The following PLD5 variants were observed in gnomAD, a reference collection of about 807,000 sequenced individuals.
The protein encoded by PLD5 is inactive phospholipase D5.
A neutral mutation model predicts 61.1 loss-of-function variants in PLD5; 36 were observed. The ratio of observed to expected loss-of-function variants is 0.59; its 90% confidence interval spans 0.45 to 0.78. The LOEUF is 0.78. Ranked by LOEUF, PLD5 falls within the 30% of genes least tolerant of loss-of-function variation. The pLI, the probability that PLD5 is intolerant of heterozygous loss-of-function variation, is 0.00. For synonymous variants in PLD5, 243 were observed against 242.8 expected (o/e 1.00, Z -0.01); for missense variants, 515 against 644.4 (o/e 0.80, Z 2.17).
At chr1:242,359,898 G>C (rs1168717391) in intron 1 of PLD5, among the ~76,000 whole-genome samples, 2 of 152,038 alleles carry the variant, frequency 1.3e-5, no homozygotes, top group African/African-American at 4.8e-5. Context: ...ATATTTTGGA[G>C]AAACAAGGTA....
intron 1 of PLD5, among the ~76,000 whole-genome samples, chr1:242,375,158 C>T (rs1661872152): frequency 6.6e-6 from 1 of 152,222 alleles, no homozygotes. Flanking sequence ...GTCCTAGCCT[C>T]TCCCTCAGAG....
chr1:242,131,362 C>T (rs866763741), intron 5 of PLD5, among the ~76,000 whole-genome samples: 1 of 152,088 alleles, frequency 6.6e-6, no homozygotes, highest in African/African-American at 2.4e-5. Context: ...CTCTCTCTTG[C>T]ACTATGACAT....
chr1:242,472,445 AT>A (rs1455375329), intron 1 of PLD5, among the ~76,000 whole-genome samples: 4 of 152,206 alleles, frequency 2.6e-5, no homozygotes, highest in Non-Finnish European at 5.9e-5. Context: ...ACCTAGAATG[AT>A]CCTACAATGT....
intron 5 of PLD5, among the ~76,000 whole-genome samples, chr1:242,180,155 C>CAGAT (rs1574463968): frequency 4.6e-5 from 7 of 152,080 alleles, no homozygotes; most frequent in Admixed American, 4.6e-4. Flanking sequence ...TGTCACCGAC[C>CAGAT]AGATGTAAGC....
chr1:242,404,129 G>A (rs759099698), intron 1 of PLD5, among the ~76,000 whole-genome samples: 1 of 152,140 alleles, frequency 6.6e-6, no homozygotes, highest in Non-Finnish European at 1.5e-5. Flanking sequence ...AGAGAGGAGA[G>A]GGACAGGAAA....
chr1:242,107,752 C>T lies in PLD5; in HGVS notation c.1158G>A (p.Lys386=), dbSNP rs1403371298. The T allele has an allele frequency of 1.9e-6, 3 of 1,612,432 alleles. No individual in the cohort carries two copies. The highest frequency in any genetic ancestry group is 2.5e-6 in the Non-Finnish European group (3 of 1,179,618). Residue 386 remains lysine, a synonymous_variant, in exon 8 of 10, where the codon AAG becomes AAA. Coordinates refer to ENST00000536534, the MANE Select transcript of PLD5 (RefSeq NM_001372062.1). ...VRVRLLLSFW[K]ETDPLTFNFI... ...AGTTAAACGTAAGGGGATCAGTTTC[C>T]TTCCAGAAGCTTAAAAGGAGTCGAA...
chr1:242,348,024 T>A, intron 2 of PLD5, 82 bp downstream of exon 2: 2 of 1,528,980 alleles, frequency 1.3e-6, no homozygotes, highest in Non-Finnish European at 1.8e-6. Context: ...TGTGTTTATG[T>A]ATTCTCTTCT....
chr1:242,162,159 A>T (rs573098056), intron 5 of PLD5, among the ~76,000 whole-genome samples: 1 of 152,318 alleles, frequency 6.6e-6, no homozygotes, highest in East Asian at 1.9e-4. Context: ...TCTTACACAA[A>T]ATGAAACTTC....
intron 5 of PLD5, among the ~76,000 whole-genome samples, chr1:242,188,018 T>C (rs1252957036): frequency 2.0e-5 from 3 of 151,608 alleles, no homozygotes; most frequent in Non-Finnish European, 4.4e-5. Context: ...GTGTGTGGAG[T>C]TCATGATTAA....
chr1:242,279,495 A>T (rs1674596387), intron 3 of PLD5, among the ~76,000 whole-genome samples: 1 of 152,108 alleles, frequency 6.6e-6, no homozygotes, highest in Non-Finnish European at 1.5e-5. Flanking sequence ...TTGGGAGAGA[A>T]AAGTGGGAGT....
chr1:242,292,248 TA>T (rs1444461660), intron 2 of PLD5, among the ~76,000 whole-genome samples: 1 of 152,016 alleles, frequency 6.6e-6, no homozygotes, highest in Non-Finnish European at 1.5e-5. Flanking sequence ...TGGATATATT[TA>T]AAAAAACAAT....
rs1659425974 is a variant in PLD5 at position 242,085,918 on chromosome 1, A to C, written c.*3936T>G. 6.6e-6 allele frequency: 1 copy of C among 152,102 alleles called. No individual in the cohort carries two copies. The highest frequency in any genetic ancestry group is 1.5e-5 in the Non-Finnish European group (1 of 68,036). 9.4% of individuals were successfully genotyped at this position (152,102 alleles called of 1,614,324 possible). A position where few individuals can be genotyped will look rare whatever the true frequency, so the allele number is the denominator to read the frequency against. ...TTGTAGGATAGAATTCCTGAGACAG[A>C]TAGACCCTGGATCTGATCTTATCAA... is the stretch of plus-strand genomic sequence containing the variant. On this transcript the variant is annotated 3_prime_UTR_variant, in exon 10 of 10. Transcript: ENST00000536534.
At chr1:242,104,921 C>T (rs1660931724) in intron 8 of PLD5, among the ~76,000 whole-genome samples, 1 of 152,178 alleles carries the variant, frequency 6.6e-6, no homozygotes, top group Non-Finnish European at 1.5e-5. Flanking sequence ...CATTCCTTCA[C>T]TTATTTAAAA....
At chr1:242,487,271 C>T (rs542718836) in intron 1 of PLD5, among the ~76,000 whole-genome samples, 2 of 152,146 alleles carry the variant, frequency 1.3e-5, no homozygotes, top group East Asian at 3.9e-4. Context: ...CCAGAATATA[C>T]TATTTGGTAG....
At chr1:242,526,986 TC>T (rs1218083584), upstream of PLD5, among the ~76,000 whole-genome samples, 1 of 152,174 alleles carries the variant, frequency 6.6e-6, no homozygotes, top group Non-Finnish European at 1.5e-5. Context: ...AATGAACTGT[TC>T]TACCATAGAA....
At chr1:242,432,378 C>T (rs1257147800) in intron 1 of PLD5, among the ~76,000 whole-genome samples, 2 of 152,186 alleles carry the variant, frequency 1.3e-5, no homozygotes, top group Non-Finnish European at 2.9e-5. Flanking sequence ...GACAAGGCTA[C>T]AGGCGAGGCT....
intron 5 of PLD5, among the ~76,000 whole-genome samples, chr1:242,205,837 G>A (rs1669283580): frequency 6.6e-6 from 1 of 152,060 alleles, no homozygotes; most frequent in Admixed American, 6.6e-5. Context: ...ACATACACTG[G>A]GTCTTTGAAA....
In PLD5 at chr1:242,352,800, AC is replaced by A. The variant is rs368119491; in HGVS notation, c.190-4559del. On this transcript the variant is annotated intron_variant, in intron 1 of 9. Transcript: ENST00000536534. ...TGGCATCTCCCTAATGGTTAGTGAT[AC>A]TGAACATTTTTTATGTATCTGTTAC... Among the ~76,000 whole-genome samples the A allele has an allele frequency of 1.3e-3, 195 of 152,334 alleles. 1 individual carries two copies. The highest frequency in any genetic ancestry group is 4.4e-3 in the African/African-American group (185 of 41,576).
intron 2 of PLD5, among the ~76,000 whole-genome samples, chr1:242,290,562 T>C (rs545596046): frequency 6.6e-6 from 1 of 152,018 alleles, no homozygotes; most frequent in South Asian, 2.1e-4. Flanking sequence ...TTTAGGGAGC[T>C]AAGTCTGACA....
Sources: gnomAD v4.1 joint callset for allele counts (sites outside exome capture counted in the v4.1 genomes callset) on GRCh38, gnomAD v4.1.1 for gene constraint, MANE v1.5 for transcripts, NCBI Gene and HGNC (gene_info 2026-07-23, HGNC 2026-07-21) for gene names.